NUFIP1: variants seen among roughly 807,000 people sequenced by gnomAD.
NUFIP1 encodes FMR1-interacting protein NUFIP1.
Under a neutral mutation model 56.2 loss-of-function variants are expected in NUFIP1, and 38 were observed. The ratio of observed to expected loss-of-function variants is 0.68; its 90% confidence interval spans 0.52 to 0.89. The LOEUF is 0.89. Among genes scored for constraint, NUFIP1 ranks in the 40% least tolerant of loss-of-function variants. The pLI is 0.00. For missense variants in NUFIP1, 567 were observed against 605.8 expected, an observed-to-expected ratio of 0.94 and a Z score of 0.67; for synonymous variants, 215 against 212.4, an observed-to-expected ratio of 1.01 and a Z score of -0.10.
intron 8 of NUFIP1, among the ~76,000 whole-genome samples, chr13:44,948,582 T>G (rs1453856772): frequency 6.6e-6 from 1 of 152,170 alleles, no homozygotes; most frequent in Non-Finnish European, 1.5e-5. Flanking sequence ...TGGTAAAGTC[T>G]AAATAAAATG....
At chr13:44,984,846 C>T (rs1017524460) in intron 1 of NUFIP1, among the ~76,000 whole-genome samples, 4 of 152,042 alleles carry the variant, frequency 2.6e-5, no homozygotes, top group East Asian at 3.9e-4. Context: ...TCTCCTAATG[C>T]TATACCTCCC....
intron 1 of NUFIP1, among the ~76,000 whole-genome samples, chr13:44,985,775 G>A (rs953591993): frequency 1.3e-5 from 2 of 152,132 alleles, no homozygotes; most frequent in Non-Finnish European, 2.9e-5. Flanking sequence ...CCTCTGAGAC[G>A]CAATATTCAA....
intron 4 of NUFIP1, 42 bp from the exon 5 acceptor site, chr13:44,979,308 T>G (rs776952118): frequency 1.3e-6 from 2 of 1,523,756 alleles, no homozygotes; most frequent in Non-Finnish European, 1.8e-6. Context: ...GGCAATATCA[T>G]ATGCTTTTGA....
At chr13:44,968,955 C>T (rs1160436607) in intron 5 of NUFIP1, among the ~76,000 whole-genome samples, 1 of 152,076 alleles carries the variant, frequency 6.6e-6, no homozygotes, top group Admixed American at 6.5e-5. Context: ...CCTTTTAAAA[C>T]AGCTAATTTT....
At chr13:44,949,638 T>A (rs1871018536) in intron 8 of NUFIP1, 84 bp downstream of exon 8, 2 of 763,942 alleles carry the variant, frequency 2.6e-6, no homozygotes, top group Non-Finnish European at 4.4e-6. Flanking sequence ...AGGATGCACA[T>A]CCTGGATGTT....
At chr13:44,957,259 T>C (rs1331094481) in intron 7 of NUFIP1, among the ~76,000 whole-genome samples, 2 of 152,174 alleles carry the variant, frequency 1.3e-5, no homozygotes. Flanking sequence ...TTGCCCAGGC[T>C]GGAGCGCAAT....
At chr13:44,983,830 TTCTCTCACTC>T (rs1401847609) in intron 1 of NUFIP1, among the ~76,000 whole-genome samples, 12 of 152,136 alleles carry the variant, frequency 7.9e-5, no homozygotes, top group Non-Finnish European at 1.2e-4. Context: ...GAGTTTGACC[TTCTCTCACTC>T]TCTCTCACCA....
Position 44,962,985 on chromosome 13 carries a change from C to T in NUFIP1, c.827+2859G>A, listed in dbSNP as rs138738608. 2.9e-3 allele frequency among the ~76,000 whole-genome samples: 440 copies of T among 152,086 alleles called. 3 individuals are homozygous for T. In the South Asian group the frequency reaches 0.03, roughly 10 times the overall value. Reference sequence around the variant, plus strand: ...TAAGTATACTCTATGATATTCATAACGACAAAATTTCCTAACCCGTTTCTC... The same window carrying T: ...TAAGTATACTCTATGATATTCATAATGACAAAATTTCCTAACCCGTTTCTC... On this transcript the variant is annotated intron_variant, in intron 6 of 9. Transcript: ENST00000379161.
At chr13:44,948,213 C>A (rs1411021021) in intron 8 of NUFIP1, among the ~76,000 whole-genome samples, 1 of 148,724 alleles carries the variant, frequency 6.7e-6, no homozygotes, top group Admixed American at 6.7e-5. Flanking sequence ...CACAATCTCA[C>A]CTCACTGCAA....
chr13:44,957,731 A>C (rs1056811945), intron 7 of NUFIP1, among the ~76,000 whole-genome samples: 1 of 152,226 alleles, frequency 6.6e-6, no homozygotes, highest in Non-Finnish European at 1.5e-5. Flanking sequence ...AACAGAATTA[A>C]CCATCTACCA....
intron 7 of NUFIP1, among the ~76,000 whole-genome samples, chr13:44,955,861 T>C (rs1871215749): frequency 1.3e-5 from 2 of 151,766 alleles, no homozygotes; most frequent in South Asian, 2.1e-4. Flanking sequence ...TCTCATATTT[T>C]GGCCGGGCGC....
intron 1 of NUFIP1, among the ~76,000 whole-genome samples, chr13:44,987,538 C>T (rs1872442507): frequency 6.6e-6 from 1 of 151,754 alleles, no homozygotes; most frequent in South Asian, 2.1e-4. Context: ...CTTTTTTGCC[C>T]CATAGGATCT....
intron 5 of NUFIP1, among the ~76,000 whole-genome samples, chr13:44,969,739 C>A (rs1320689861): frequency 6.6e-6 from 1 of 152,180 alleles, no homozygotes; most frequent in African/African-American, 2.4e-5. Context: ...AACACATGGG[C>A]AAACCGTCCT....
At chr13:44,987,630 C>G (rs2137931086) in intron 1 of NUFIP1, among the ~76,000 whole-genome samples, 1 of 152,186 alleles carries the variant, frequency 6.6e-6, no homozygotes, top group Non-Finnish European at 1.5e-5. Flanking sequence ...TGGTCTGTAA[C>G]TGAACCCACA....
At chr13:44,949,224 C>A (rs1231425454) in intron 8 of NUFIP1, among the ~76,000 whole-genome samples, 2 of 92,094 alleles carry the variant, frequency 2.2e-5, no homozygotes, top group Non-Finnish European at 3.8e-5. Context: ...TTTTTTGAGA[C>A]GGAGTCTCGC....
intron 5 of NUFIP1, among the ~76,000 whole-genome samples, chr13:44,973,678 C>A (rs1241317758): frequency 1.3e-5 from 2 of 152,110 alleles, no homozygotes; most frequent in African/African-American, 2.4e-5. Context: ...GCTAAAGAGG[C>A]AGAAAGGAGA....
rs556163503 is a variant in NUFIP1, at chr13:44,985,384, C to A, written c.413-3230G>T. On this transcript the variant is annotated intron_variant, in intron 1 of 9. Coordinates refer to ENST00000379161, the MANE Select transcript of NUFIP1 (RefSeq NM_012345.3). ...TTATCTTGCATCCCATATATCCTAT[C>A]TTTCAGTAAATCATGCAGTCCCCAC... 4.6e-5 allele frequency among the ~76,000 whole-genome samples: 7 copies of A among 152,266 alleles called. 1 individual carries two copies. In the South Asian group the frequency reaches 1.5e-3, roughly 32 times the overall value.
chr13:44,952,694 T>C (rs1355541141), intron 7 of NUFIP1, among the ~76,000 whole-genome samples: 1 of 152,238 alleles, frequency 6.6e-6, no homozygotes. Flanking sequence ...ACCAAAGTAC[T>C]TTATGATAGC....
At chr13:44,968,990 A>C in intron 5 of NUFIP1, among the ~76,000 whole-genome samples, 1 of 152,206 alleles carries the variant, frequency 6.6e-6, no homozygotes, top group South Asian at 2.1e-4. Context: ...CTGCAGTATC[A>C]TGTTCCTAAA....
Sources: allele counts gnomAD v4.1 joint callset (sites outside exome capture counted in the v4.1 genomes callset), GRCh38; gene constraint gnomAD v4.1.1; transcripts MANE v1.5; gene names NCBI Gene and HGNC (gene_info 2026-07-23, HGNC 2026-07-21).